Variants in PPP1R42 observed in about 807,000 individuals in gnomAD.
The protein encoded by PPP1R42 is protein phosphatase 1 regulatory subunit 42, also known as leucine rich repeat containing 67.
A neutral mutation model predicts 31.0 loss-of-function variants in PPP1R42; 34 were observed. The observed-to-expected ratio is 1.10, with a 90% CI of 0.83 to 1.46. PPP1R42 has a LOEUF of 1.46. PPP1R42 is among the 40% of genes most tolerant of loss of function. The pLI, the probability that PPP1R42 is intolerant of heterozygous loss-of-function variation, is 0.00. For missense variants in PPP1R42, 268 were observed against 303.0 expected, an observed-to-expected ratio of 0.88 and a Z score of 0.86; for synonymous variants, 103 against 109.8, an observed-to-expected ratio of 0.94 and a Z score of 0.39.
At position 66,984,165 on chromosome 8, in the gene PPP1R42, C is replaced by T. The variant is rs180775883; in HGVS notation, c.671-1985G>A. 5.3e-4 allele frequency: 848 copies of T among 1,592,712 alleles called. 3 individuals are homozygous for T. The highest frequency in any genetic ancestry group is 4.7e-3 in the Middle Eastern group (28 of 5,920). On this transcript the variant is annotated intron_variant, in intron 6 of 7. Coordinates refer to ENST00000685739, the MANE Select transcript of PPP1R42 (RefSeq NM_001364910.1). ...GTGGACTCTACACAGATTCACTCAG[C>T]GCAAGGTCCCAGTAATGTTCAGCCC...
chr8:66,983,556 C>G (rs1194258131), intron 6 of PPP1R42, among the ~76,000 whole-genome samples: 1 of 151,786 alleles, frequency 6.6e-6, no homozygotes, highest in Non-Finnish European at 1.5e-5. Flanking sequence ...GATAGTTTCT[C>G]TCATTATCCA....
chr8:66,981,304 A>T (rs1814826433), intron 7 of PPP1R42, among the ~76,000 whole-genome samples: 1 of 152,150 alleles, frequency 6.6e-6, no homozygotes. Flanking sequence ...GTATGTGCAT[A>T]AGAAGGGAGA....
At chr8:66,983,672 T>A (rs569926173) in intron 6 of PPP1R42, among the ~76,000 whole-genome samples, 4 of 152,326 alleles carry the variant, frequency 2.6e-5, no homozygotes, top group African/African-American at 9.6e-5. Context: ...TTAGTTGTAC[T>A]ACTGAAAATA....
chr8:66,984,005 C>G, intron 6 of PPP1R42: 1 of 926,684 alleles, frequency 1.1e-6, no homozygotes, highest in South Asian at 1.4e-5. Context: ...AAGATATTCT[C>G]CCTTTGTCCC....
intron 7 of PPP1R42, among the ~76,000 whole-genome samples, chr8:66,972,238 C>CTGTTTG (rs1304146626): frequency 1.3e-5 from 2 of 152,152 alleles, no homozygotes; most frequent in Admixed American, 6.5e-5. Context: ...TTTGTACCAT[C>CTGTTTG]TGTTTGGATG....
chr8:67,009,236 C>T (rs910730425), intron 5 of PPP1R42, among the ~76,000 whole-genome samples: 1 of 151,790 alleles, frequency 6.6e-6, no homozygotes, highest in Admixed American at 6.6e-5. Flanking sequence ...CGCCACTGCA[C>T]TCCAGCCTGG....
chr8:67,020,451 T>G (rs1373138203), intron 1 of PPP1R42, among the ~76,000 whole-genome samples: 1 of 152,210 alleles, frequency 6.6e-6, no homozygotes, highest in Non-Finnish European at 1.5e-5. Flanking sequence ...TCTGCCTGCC[T>G]CAGCCTCCTA....
chr8:66,991,537 G>A (rs1182203940), intron 5 of PPP1R42, among the ~76,000 whole-genome samples: 4 of 152,176 alleles, frequency 2.6e-5, no homozygotes, highest in Non-Finnish European at 4.4e-5. Flanking sequence ...GGTTGACCTT[G>A]CCACCAATTT....
At chr8:66,992,127 G>A (rs1363669720) in intron 5 of PPP1R42, among the ~76,000 whole-genome samples, 1 of 152,054 alleles carries the variant, frequency 6.6e-6, no homozygotes, top group Non-Finnish European at 1.5e-5. Flanking sequence ...ATCGTACCCT[G>A]GTCACCACTC....
At chr8:66,967,758 A>G (rs1814426035) in intron 7 of PPP1R42, among the ~76,000 whole-genome samples, 1 of 152,244 alleles carries the variant, frequency 6.6e-6, no homozygotes, top group Non-Finnish European at 1.5e-5. Context: ...GGTATCTGAA[A>G]TTAAGGGCAT....
chr8:67,009,623 G>A (rs757283833), intron 5 of PPP1R42, among the ~76,000 whole-genome samples: 1 of 151,902 alleles, frequency 6.6e-6, no homozygotes, highest in Non-Finnish European at 1.5e-5. Flanking sequence ...TCCCATGAAC[G>A]TCTTACATTT....
intron 5 of PPP1R42, among the ~76,000 whole-genome samples, chr8:67,007,803 A>G (rs906914946): frequency 6.6e-6 from 1 of 151,434 alleles, no homozygotes; most frequent in African/African-American, 2.4e-5. Flanking sequence ...CTGTGTCACT[A>G]TTATAGTGCT....
At chr8:67,027,933 G>A (rs1040172624) in intron 1 of PPP1R42, among the ~76,000 whole-genome samples, 2 of 151,826 alleles carry the variant, frequency 1.3e-5, no homozygotes, top group African/African-American at 2.4e-5. Flanking sequence ...TTAGCTTTTT[G>A]TTGGTGTTTT....
intron 7 of PPP1R42, among the ~76,000 whole-genome samples, chr8:66,972,680 G>A (rs1215474846): frequency 5.3e-5 from 8 of 152,154 alleles, no homozygotes; most frequent in South Asian, 4.1e-4. Flanking sequence ...ATGAGCCACC[G>A]CACCTGGCCG....
At chr8:66,993,994 A>G (rs1292979386) in intron 5 of PPP1R42, among the ~76,000 whole-genome samples, 1 of 152,190 alleles carries the variant, frequency 6.6e-6, no homozygotes, top group Non-Finnish European at 1.5e-5. Flanking sequence ...AAGAAAGACT[A>G]TCTTCTCTTT....
intron 1 of PPP1R42, chr8:67,026,780 T>C (rs1425469317): frequency 6.6e-6 from 1 of 152,250 alleles, no homozygotes; most frequent in African/African-American, 2.4e-5. Context: ...TGTGGTGAGC[T>C]GTGATTGCGC....
At chr8:66,988,956 T>TAA (rs1031051820) in intron 5 of PPP1R42, among the ~76,000 whole-genome samples, 1 of 146,040 alleles carries the variant, frequency 6.8e-6, no homozygotes, top group Non-Finnish European at 1.5e-5. Context: ...TTTTAAGTGT[T>TAA]AAAAAAAAAA....
At chr8:67,015,895 CTG>C (rs1207254759) in intron 2 of PPP1R42, among the ~76,000 whole-genome samples, 2 of 152,172 alleles carry the variant, frequency 1.3e-5, no homozygotes, top group Non-Finnish European at 2.9e-5. Flanking sequence ...GTGTTGGAAA[CTG>C]TAAGTTTAGA....
At chr8:67,021,909 T>G (rs755649435) in intron 1 of PPP1R42, among the ~76,000 whole-genome samples, 12 of 152,220 alleles carry the variant, frequency 7.9e-5, no homozygotes, top group Admixed American at 2.6e-4. Context: ...TACTATACAA[T>G]ATTCCATTGT....
Sources: gnomAD v4.1 joint callset for allele counts (sites outside exome capture counted in the v4.1 genomes callset) on GRCh38, gnomAD v4.1.1 for gene constraint, MANE v1.5 for transcripts, NCBI Gene and HGNC (gene_info 2026-07-23, HGNC 2026-07-21) for gene names.